MYO1D: variants seen among roughly 807,000 people sequenced by gnomAD.
MYO1D encodes the protein unconventional myosin-Id.
Under a neutral mutation model 122.0 loss-of-function variants are expected in MYO1D, and 83 were observed. The ratio of observed to expected loss-of-function variants is 0.68; its 90% confidence interval spans 0.57 to 0.82. The LOEUF is 0.82. MYO1D is among the 40% of genes least tolerant of loss of function. The probability of loss-of-function intolerance (pLI) is 0.00; values close to 1 mark genes in which losing one functional copy is unlikely to be tolerated. For missense variants in MYO1D, 1,157 were observed against 1,269.5 expected, an observed-to-expected ratio of 0.91 and a Z score of 1.35; for synonymous variants, 464 against 446.9, an observed-to-expected ratio of 1.04 and a Z score of -0.48.
At position 32,877,122 on chromosome 17, in the gene MYO1D, T is replaced by A; in HGVS notation, c.-250A>T. Reference sequence around the variant, plus strand: ...TCCTCCCGCCGCGGCTGCCGGGCGCTGTAGGGGCCGGGACACCGAGACGGA... The same window carrying A: ...TCCTCCCGCCGCGGCTGCCGGGCGCAGTAGGGGCCGGGACACCGAGACGGA... On this transcript the variant is annotated 5_prime_UTR_variant, in exon 1 of 22. Transcript: ENST00000318217. 1 of 183,990 alleles carries A rather than the reference T, an allele frequency of 5.4e-6. No individual in the cohort carries two copies. The highest frequency in any genetic ancestry group is 1.1e-5 in the Non-Finnish European group (1 of 89,936). The allele number at this position is 183,990 out of a possible 1,614,324, so 11.4% of individuals were successfully genotyped here. A position where few individuals can be genotyped will look rare whatever the true frequency, so the allele number is the denominator to read the frequency against.
intron 20 of MYO1D, among the ~76,000 whole-genome samples, chr17:32,637,173 C>T (rs1363258422): frequency 6.6e-6 from 1 of 152,124 alleles, no homozygotes; most frequent in Non-Finnish European, 1.5e-5. Context: ...GATGAATCTC[C>T]CCTTAATAGA....
chr17:32,707,009 A>AT (rs879590646), intron 16 of MYO1D, among the ~76,000 whole-genome samples: 122 of 150,454 alleles, frequency 8.1e-4, no homozygotes, highest in Admixed American at 1.2e-3. Context: ...CAGATCCATA[A>AT]TTTTTTTTTT....
At chr17:32,525,837 C>A (rs1332857095) in intron 21 of MYO1D, among the ~76,000 whole-genome samples, 5 of 152,286 alleles carry the variant, frequency 3.3e-5, no homozygotes, top group African/African-American at 1.2e-4. Context: ...GGAGGAGAGG[C>A]AGGGTCACTC....
intron 21 of MYO1D, among the ~76,000 whole-genome samples, chr17:32,507,409 A>C (rs1567870233): frequency 6.6e-6 from 1 of 152,034 alleles, no homozygotes; most frequent in Non-Finnish European, 1.5e-5. Flanking sequence ...ATCTCAAAAA[A>C]ACTCCCCCAA....
intron 16 of MYO1D, among the ~76,000 whole-genome samples, chr17:32,672,114 T>C (rs538162034): frequency 6.6e-6 from 1 of 152,234 alleles, no homozygotes; most frequent in Non-Finnish European, 1.5e-5. Flanking sequence ...CTGGGCTCTG[T>C]GCCAGGGGAC....
chr17:32,538,654 C>G (rs1910738018), intron 21 of MYO1D, among the ~76,000 whole-genome samples: 1 of 151,934 alleles, frequency 6.6e-6, no homozygotes, highest in South Asian at 2.1e-4. Context: ...CATGTATGTT[C>G]ACTGCAGTAC....
chr17:32,704,065 T>C (rs1223830631), intron 16 of MYO1D, among the ~76,000 whole-genome samples: 2 of 152,204 alleles, frequency 1.3e-5, no homozygotes, highest in African/African-American at 2.4e-5. Flanking sequence ...AATGACAACA[T>C]AGTTTACTGA....
intron 1 of MYO1D, among the ~76,000 whole-genome samples, chr17:32,808,756 G>A (rs1405127064): frequency 6.6e-6 from 1 of 152,082 alleles, no homozygotes; most frequent in African/African-American, 2.4e-5. Context: ...ACAATGAGAG[G>A]GTGGCAGTCT....
At chr17:32,609,503 T>C (rs147908760) in intron 20 of MYO1D, among the ~76,000 whole-genome samples, 3,420 of 152,252 alleles carry the variant, frequency 0.022, 135 homozygotes, top group African/African-American at 0.078. Context: ...ATTTACAGAT[T>C]TGCAGTGTCA....
At chr17:32,577,578 A>G (rs2087290168) in intron 21 of MYO1D, among the ~76,000 whole-genome samples, 1 of 152,156 alleles carries the variant, frequency 6.6e-6, no homozygotes. Context: ...ACAGATGGCT[A>G]TCATTTAACT....
intron 15 of MYO1D, among the ~76,000 whole-genome samples, chr17:32,713,546 G>A (rs922113714): frequency 4.0e-5 from 6 of 151,816 alleles, no homozygotes; most frequent in African/African-American, 1.5e-4. Flanking sequence ...TACAGTTCCA[G>A]GCAAAAAAAC....
intron 21 of MYO1D, among the ~76,000 whole-genome samples, chr17:32,553,648 T>C (rs1396447597): frequency 6.6e-6 from 1 of 152,228 alleles, no homozygotes; most frequent in Non-Finnish European, 1.5e-5. Context: ...GCTGTCATTC[T>C]GCTTCTCCTA....
Position 32,608,359 on chromosome 17 carries a change from T to C in MYO1D, c.2710-3118A>G, listed in dbSNP as rs776733446. ...TCACCAAAGAAGGCATAGGGGTGAA[T>C]AAGCACATGAAAGGGTGCTCAACAT... On this transcript the variant is annotated intron_variant, in intron 20 of 21. Transcript: ENST00000318217. Among the ~76,000 whole-genome samples, 88 of 152,086 alleles carry C rather than the reference T, an allele frequency of 5.8e-4. 1 individual carries two copies. The highest frequency in any genetic ancestry group is 2.1e-4 in the South Asian group (1 of 4,820).
intron 21 of MYO1D, among the ~76,000 whole-genome samples, chr17:32,555,727 C>T (rs1448728615): frequency 6.6e-6 from 1 of 152,192 alleles, no homozygotes; most frequent in Non-Finnish European, 1.5e-5. Context: ...CCCTTGCCCA[C>T]AATAGCCACA....
chr17:32,763,557 A>C (rs934474912), intron 8 of MYO1D, among the ~76,000 whole-genome samples: 1 of 152,230 alleles, frequency 6.6e-6, no homozygotes, highest in African/African-American at 2.4e-5. Flanking sequence ...GCTCAAATAT[A>C]CTAGTAATGA....
intron 21 of MYO1D, among the ~76,000 whole-genome samples, chr17:32,511,123 C>T (rs1196634295): frequency 2.0e-5 from 3 of 152,096 alleles, no homozygotes; most frequent in Admixed American, 1.3e-4. Context: ...CCTTGAGACC[C>T]TCCCACATCA....
At position 32,563,075 on chromosome 17, in the gene MYO1D, G is replaced by A. The variant is rs764818800; in HGVS notation, c.2864+42012C>T. ...ATTATACTGACTTGAAGGAAAAATC[G>A]TATCTCATTGTTTTGTTAAGACATC... On this transcript the variant is annotated intron_variant, in intron 21 of 21. Coordinates refer to ENST00000318217, the MANE Select transcript of MYO1D (RefSeq NM_015194.3). 3.9e-4 allele frequency among the ~76,000 whole-genome samples: 59 copies of A among 151,934 alleles called. 1 individual carries two copies. Among genetic ancestry groups the A allele is most frequent in the Non-Finnish European group, 3.5e-4 (24 of 68,004 alleles).
intron 1 of MYO1D, among the ~76,000 whole-genome samples, chr17:32,819,684 T>C (rs910964534): frequency 3.3e-5 from 5 of 152,232 alleles, no homozygotes; most frequent in African/African-American, 1.2e-4. Flanking sequence ...ACTCTTTTAG[T>C]TATTCAGTTT....
chr17:32,680,846 C>G (rs1392820487), intron 16 of MYO1D, among the ~76,000 whole-genome samples: 1 of 152,004 alleles, frequency 6.6e-6, no homozygotes, highest in African/African-American at 2.4e-5. Context: ...CTCCTTGTAC[C>G]TCTGGTAGAA....
Sources: allele counts gnomAD v4.1 joint callset (sites outside exome capture counted in the v4.1 genomes callset), GRCh38; gene constraint gnomAD v4.1.1; transcripts MANE v1.5; gene names NCBI Gene and HGNC (gene_info 2026-07-23, HGNC 2026-07-21).